PRKG1: variants seen among roughly 807,000 people sequenced by gnomAD.
The protein encoded by PRKG1 is protein kinase cGMP-dependent 1.
In PRKG1, 35 loss-of-function variants were observed where a neutral mutation model predicts 88.1. The ratio of observed to expected loss-of-function variants is 0.40; its 90% CI spans 0.30 to 0.53. PRKG1 has a LOEUF of 0.53. Among genes scored for constraint, PRKG1 ranks in the 20% least tolerant of loss-of-function variants. The pLI, the probability that PRKG1 is intolerant of heterozygous loss-of-function variation, is 0.59. For synonymous variants in PRKG1, 303 were observed against 292.5 expected (o/e 1.04, Z -0.37); for missense variants, 540 against 839.8 (o/e 0.64, Z 4.41).
rs747106920 is a variant in PRKG1, at chr10:52,251,677, G to T, written c.1173+11G>T. ...GGACGAGTAGAACTGGTAGGTGATT[G>T]TTCTTTAAATGCTTTTGATCGCCTC... is the stretch of plus-strand genomic sequence containing the variant. On this transcript the variant is annotated intron_variant, in intron 10 of 17. Coordinates refer to ENST00000373980, the MANE Select transcript of PRKG1 (RefSeq NM_006258.4). 2 of 1,599,132 alleles carry T rather than the reference G, an allele frequency of 1.3e-6. No individual in the cohort carries two copies.
At chr10:51,649,554 G>A (rs1473088863) in intron 3 of PRKG1, among the ~76,000 whole-genome samples, 4 of 152,110 alleles carry the variant, frequency 2.6e-5, no homozygotes, top group Non-Finnish European at 5.9e-5. Flanking sequence ...CACTTAAATA[G>A]GGCATATTCG....
At chr10:51,381,677 A>C (rs1837107629) in intron 2 of PRKG1, among the ~76,000 whole-genome samples, 1 of 152,262 alleles carries the variant, frequency 6.6e-6, no homozygotes, top group Non-Finnish European at 1.5e-5. Context: ...AAGAATATGT[A>C]AACAGAAACC....
intron 3 of PRKG1, among the ~76,000 whole-genome samples, chr10:51,753,147 T>A (rs1837768747): frequency 6.6e-6 from 1 of 152,152 alleles, no homozygotes; most frequent in East Asian, 1.9e-4. Context: ...TTGTGTTCTT[T>A]TAGTAAGCTT....
intron 1 of PRKG1, among the ~76,000 whole-genome samples, chr10:51,049,101 G>A (rs527736760): frequency 2.6e-5 from 4 of 152,208 alleles, no homozygotes; most frequent in African/African-American, 7.2e-5. Context: ...AAGAGCTCCC[G>A]CGTCCCACAC....
At chr10:51,002,378 T>C (rs1162078644) in intron 1 of PRKG1, among the ~76,000 whole-genome samples, 1 of 152,210 alleles carries the variant, frequency 6.6e-6, no homozygotes, top group East Asian at 1.9e-4. Flanking sequence ...ATGTGGCCTA[T>C]TGTAATCTGA....
chr10:52,101,815 G>C (rs1477338312), intron 7 of PRKG1, among the ~76,000 whole-genome samples: 2 of 152,140 alleles, frequency 1.3e-5, no homozygotes, highest in African/African-American at 4.8e-5. Flanking sequence ...AATTTAATTG[G>C]TTAAAGTAAC....
At chr10:52,001,793 G>C (rs1239607593) in intron 5 of PRKG1, among the ~76,000 whole-genome samples, 5 of 151,970 alleles carry the variant, frequency 3.3e-5, no homozygotes, top group African/African-American at 1.2e-4. Context: ...ATGAACTCCT[G>C]TTTATTATTA....
At chr10:51,798,269 T>G (rs940083572) in intron 3 of PRKG1, among the ~76,000 whole-genome samples, 2 of 152,054 alleles carry the variant, frequency 1.3e-5, no homozygotes, top group Admixed American at 6.6e-5. Flanking sequence ...CTACCAGCAA[T>G]GCACAAGGGT....
At chr10:51,334,450 T>C (rs1841822981) in intron 2 of PRKG1, among the ~76,000 whole-genome samples, 1 of 152,158 alleles carries the variant, frequency 6.6e-6, no homozygotes, top group South Asian at 2.1e-4. Flanking sequence ...TAAACATTTA[T>C]TGTTATAAAT....
intron 4 of PRKG1, among the ~76,000 whole-genome samples, chr10:51,902,235 GC>G (rs1360166782): frequency 6.6e-6 from 1 of 152,066 alleles, no homozygotes; most frequent in African/African-American, 2.4e-5. Flanking sequence ...TCCTGCCTCA[GC>G]TTCCCAAACA....
chr10:51,676,188 T>A lies in PRKG1; in HGVS notation c.593-128397T>A, dbSNP rs1840706071. 6.0e-5 allele frequency among the ~76,000 whole-genome samples: 9 copies of A among 149,994 alleles called. No individual in the cohort carries two copies. The Admixed American group carries it at 6.0e-4, about 10-fold the overall frequency. Reference sequence around the variant, plus strand: ...GTAGCAACCAGACACATGTGGGTCATTTGAATTTATATTCAAATTAATTAA... The same window carrying A: ...GTAGCAACCAGACACATGTGGGTCAATTGAATTTATATTCAAATTAATTAA... On this transcript the variant is annotated intron_variant, in intron 3 of 17. Coordinates refer to ENST00000373980, the MANE Select transcript of PRKG1 (RefSeq NM_006258.4).
intron 2 of PRKG1, among the ~76,000 whole-genome samples, chr10:51,181,284 G>A (rs1033227265): frequency 1.5e-5 from 2 of 133,220 alleles, no homozygotes; most frequent in Non-Finnish European, 3.1e-5. Context: ...GCCCAGGCCG[G>A]GCTGCGGACT....
Position 51,642,957 on chromosome 10 carries a change from G to A in PRKG1, c.593-161628G>A, listed in dbSNP as rs112592617. The stretch of plus-strand genomic sequence containing the variant: ...TGTTTCTAAAACTAAAGTAATCCAC[G>A]TTCTTATCTTAAATCTCTATTTCTA... On this transcript the variant is annotated intron_variant, in intron 3 of 17. Coordinates refer to ENST00000373980, the MANE Select transcript of PRKG1 (RefSeq NM_006258.4). Among the ~76,000 whole-genome samples, 367 of 152,132 alleles carry A rather than the reference G, an allele frequency of 2.4e-3. 2 individuals carry two copies. Among genetic ancestry groups the A allele is most frequent in the African/African-American group, 7.9e-3 (327 of 41,514 alleles).
At chr10:51,942,897 G>A (rs1231705639) in intron 5 of PRKG1, among the ~76,000 whole-genome samples, 1 of 150,824 alleles carries the variant, frequency 6.6e-6, no homozygotes, top group African/African-American at 2.5e-5. Context: ...GATGCCTCCA[G>A]CTTTGTTCTT....
chr10:51,231,023 A>G (rs1156259819), intron 2 of PRKG1, among the ~76,000 whole-genome samples: 1 of 152,106 alleles, frequency 6.6e-6, no homozygotes, highest in Admixed American at 6.6e-5. Flanking sequence ...TTAAGTCTGG[A>G]ATTCACCTCT....
At chr10:52,223,810 C>G (rs1029618943) in intron 9 of PRKG1, among the ~76,000 whole-genome samples, 1 of 152,134 alleles carries the variant, frequency 6.6e-6, no homozygotes, top group East Asian at 1.9e-4. Flanking sequence ...TCATGAGGCT[C>G]AAAATTTCAG....
intron 7 of PRKG1, among the ~76,000 whole-genome samples, chr10:52,130,902 G>A (rs1564482072): frequency 6.6e-6 from 1 of 152,164 alleles, no homozygotes; most frequent in Non-Finnish European, 1.5e-5. Flanking sequence ...AACCATGAAG[G>A]TGTTGGGGAT....
intron 2 of PRKG1, among the ~76,000 whole-genome samples, chr10:51,324,641 T>C (rs1466846261): frequency 7.9e-5 from 12 of 151,114 alleles, no homozygotes; most frequent in Non-Finnish European, 1.3e-4. Flanking sequence ...CTCGGGAGGC[T>C]GAGGCAGGAC....
At chr10:52,089,168 ATG>A (rs1244682370) in intron 7 of PRKG1, among the ~76,000 whole-genome samples, 1 of 152,184 alleles carries the variant, frequency 6.6e-6, no homozygotes, top group African/African-American at 2.4e-5. Flanking sequence ...ATTCCAAATT[ATG>A]CTGAGCTCTT....
Sources: allele counts gnomAD v4.1 joint callset (sites outside exome capture counted in the v4.1 genomes callset), GRCh38; gene constraint gnomAD v4.1.1; transcripts MANE v1.5; gene names NCBI Gene and HGNC (gene_info 2026-07-23, HGNC 2026-07-21).